Variants in EVI5L observed in about 807,000 individuals in gnomAD.
The protein encoded by EVI5L is EVI5-like protein.
A neutral mutation model predicts 106.1 loss-of-function variants in EVI5L; 30 were observed. The ratio of observed to expected loss-of-function variants is 0.28; its 90% CI spans 0.21 to 0.38. EVI5L has a LOEUF of 0.38. Among genes scored for constraint, EVI5L ranks in the 10% least tolerant of loss-of-function variants. EVI5L has a pLI of 1.00. For synonymous variants in EVI5L, 489 were observed against 483.3 expected, an observed-to-expected ratio of 1.01 and a Z score of -0.15; for missense variants, 809 against 1,098.0, an observed-to-expected ratio of 0.74 and a Z score of 3.72.
Position 7,835,871 on chromosome 19 carries a change from C to T in EVI5L, c.-48+5490C>T, listed in dbSNP as rs1359171255. On this transcript the variant is annotated intron_variant, in intron 1 of 19. Coordinates refer to ENST00000538904, the MANE Select transcript of EVI5L (RefSeq NM_001159944.3). This position sits in a 1 kb window ranked among gnomAD's most constrained non-coding sequence, Gnocchi z 4.1. ...TGTCAGGCTAGACAAATCGGGGTCACATGGCATCTTGGGCTTTAGATTCCG... is the reference window on the plus strand; with the variant it reads ...TGTCAGGCTAGACAAATCGGGGTCATATGGCATCTTGGGCTTTAGATTCCG... Among the ~76,000 whole-genome samples the T allele has an allele frequency of 6.6e-6, 1 of 152,220 alleles. No homozygotes were observed. Among genetic ancestry groups the T allele is most frequent in the Non-Finnish European group, 1.5e-5 (1 of 68,042 alleles).
rs953880408 is a variant in EVI5L, at chr19:7,856,312, G to A, written c.1200+244G>A. On this transcript the variant is annotated intron_variant, in intron 11 of 19. Coordinates refer to ENST00000538904, the MANE Select transcript of EVI5L (RefSeq NM_001159944.3). The surrounding 1 kb of genome is among the most constrained non-coding windows in gnomAD (Gnocchi z 6.6). The stretch of plus-strand genomic sequence containing the variant: ...TTACAACCCAGTGGCCTGCAGCCAC[G>A]GGAATCCATTTGTGTTCTGTGCCCT... Among the ~76,000 whole-genome samples the A allele has an allele frequency of 4.6e-5, 7 of 152,178 alleles. No homozygotes were observed. Among genetic ancestry groups the A allele is most frequent in the East Asian group, 1.9e-4 (1 of 5,158 alleles).
chr19:7,846,434 T>A, intron 1 of EVI5L, 62 bp from the exon 2 acceptor site: 1 of 1,406,390 alleles, frequency 7.1e-7, no homozygotes, highest in Non-Finnish European at 9.5e-7. Context: ...GTCCCGAGGG[T>A]GGGCAGGCAG....
intron 1 of EVI5L, among the ~76,000 whole-genome samples, chr19:7,839,101 G>C (rs1978478877): frequency 6.6e-6 from 1 of 151,938 alleles, no homozygotes; most frequent in Admixed American, 6.6e-5. Flanking sequence ...AGGAGATCAA[G>C]ACCATCCTGG....
Position 7,848,962 on chromosome 19 carries a change from C to G in EVI5L, c.369C>G (p.Ile123Met). The part of the protein sequence containing the change: ...RKGIPHHFRA[I>M]VWQLLCSATD... ...GCATCCCCCACCACTTCCGGGCCAT[C>G]GTGTGGCAGCTTCTGTGCAGCGCCA... The change falls in exon 4 of 20, where the codon ATC becomes ATG. Residue 123 changes from isoleucine (I) to methionine (M), a missense_variant. Around this residue, in one of 2 missense-constraint regions of EVI5L, gnomAD observed 357 missense variants for 588.1 expected, o/e 0.61. Transcript: ENST00000538904. The surrounding 1 kb of genome is among the most constrained non-coding windows in gnomAD (Gnocchi z 4.8). 1 of 1,613,114 alleles carries G rather than the reference C, an allele frequency of 6.2e-7. No homozygotes were observed. The highest frequency in any genetic ancestry group is 1.3e-5 in the African/African-American group (1 of 75,036).
chr19:7,846,477 G>C lies in EVI5L; in HGVS notation c.-47-19G>C. ...TGGGCTCCCACCCAATGCCGACCACGCATGTCTCTGGCCCCCAGACAGAGC... is the reference window on the plus strand; with the variant it reads ...TGGGCTCCCACCCAATGCCGACCACCCATGTCTCTGGCCCCCAGACAGAGC... On this transcript the variant is annotated intron_variant, in intron 1 of 19. Coordinates refer to ENST00000538904, the MANE Select transcript of EVI5L (RefSeq NM_001159944.3). 1 of 1,533,012 alleles carries C rather than the reference G, an allele frequency of 6.5e-7. No individual in the cohort carries two copies. The highest frequency in any genetic ancestry group is 8.8e-7 in the Non-Finnish European group (1 of 1,139,894). The allele number at this position is 1,533,012 out of a possible 1,614,324, so 95.0% of individuals were successfully genotyped here.
chr19:7,860,617 G>C lies in EVI5L; in HGVS notation c.1431G>C (p.Gln477His). The change falls in exon 14 of 20, where the codon CAG becomes CAC. Residue 477 changes from glutamine to histidine, a missense_variant. Gln to His is a conservative substitution (Grantham distance 24). Transcript: ENST00000538904. ...FVSHLETELE[Q>H]SRLRETETLG... is the part of the protein sequence containing the mutation. The stretch of plus-strand genomic sequence containing the variant: ...CCCACCTGGAGACCGAGCTGGAGCA[G>C]TCGAGGCTGCGGGAGACGGAGACAC... 1 of 1,601,242 alleles carries C rather than the reference G, an allele frequency of 6.2e-7. No individual in the cohort carries two copies. The highest frequency in any genetic ancestry group is 1.1e-5 in the South Asian group (1 of 89,054).
chr19:7,842,720 ATG>A (rs1033462715), intron 1 of EVI5L, among the ~76,000 whole-genome samples: 6 of 150,798 alleles, frequency 4.0e-5, no homozygotes, highest in South Asian at 2.1e-4. Context: ...GTGCACGAGT[ATG>A]TGTGTATTGT....
At position 7,856,972 on chromosome 19, in the gene EVI5L, C is replaced by A; in HGVS notation, c.1201-120C>A. On this transcript the variant is annotated intron_variant, in intron 11 of 19. Coordinates refer to ENST00000538904, the MANE Select transcript of EVI5L (RefSeq NM_001159944.3). This position sits in a 1 kb window ranked among gnomAD's most constrained non-coding sequence, Gnocchi z 6.6. ...CTGGTCTTCCCTCCTCTCTCCCCCG[C>A]TTCTAGAGATAGTCCACTGCGTTAG... is the stretch of plus-strand genomic sequence containing the variant. 1 of 1,038,744 alleles carries A rather than the reference C, an allele frequency of 9.6e-7. No homozygotes were observed. Among genetic ancestry groups the A allele is most frequent in the Non-Finnish European group, 1.5e-6 (1 of 683,338 alleles). The allele number at this position is 1,038,744 out of a possible 1,614,324, so 64.3% of individuals were successfully genotyped here. A position where few individuals can be genotyped will look rare whatever the true frequency, so the allele number is the denominator to read the frequency against.
rs1237418628 is a variant in EVI5L at position 7,863,089 on chromosome 19, G to GGGGGGC, written c.2043+35_2043+40dup. 6.5e-5 allele frequency: 61 copies of GGGGGGC among 933,640 alleles called. No homozygotes were observed. The highest frequency in any genetic ancestry group is 1.0e-4 in the Admixed American group (5 of 48,394). 57.8% of individuals were successfully genotyped at this position (933,640 alleles called of 1,614,324 possible). The stretch of plus-strand genomic sequence containing the variant: ...CCAGGTGATCGGCGGGGCCGGGGTC[G>GGGGGGC]GGGGGCGGGGGCGGGGGCAGGGCCC... On this transcript the variant is annotated intron_variant, in intron 18 of 19. Coordinates refer to ENST00000538904, the MANE Select transcript of EVI5L (RefSeq NM_001159944.3). The surrounding 1 kb of genome is among the most constrained non-coding windows in gnomAD (Gnocchi z 7.7).
intron 1 of EVI5L, among the ~76,000 whole-genome samples, chr19:7,844,706 C>T (rs1313453704): frequency 1.3e-5 from 2 of 152,190 alleles, no homozygotes; most frequent in Admixed American, 6.5e-5. Flanking sequence ...GGGCAGGTGG[C>T]CCTGGCCCAC....
At chr19:7,842,651 G>A (rs898683410) in intron 1 of EVI5L, among the ~76,000 whole-genome samples, 1 of 151,820 alleles carries the variant, frequency 6.6e-6, no homozygotes, top group Non-Finnish European at 1.5e-5. Context: ...GAATGTGGGT[G>A]TTTATGTATC....
chr19:7,857,923 A>C lies in EVI5L; in HGVS notation c.1234-268A>C. 4.3e-6 allele frequency: 2 copies of C among 462,064 alleles called. No individual in the cohort carries two copies. The highest frequency in any genetic ancestry group is 7.9e-5 in the East Asian group (2 of 25,428). 28.6% of individuals were successfully genotyped at this position (462,064 alleles called of 1,614,324 possible). A position where few individuals can be genotyped will look rare whatever the true frequency, so the allele number is the denominator to read the frequency against. Reference sequence around the variant, plus strand: ...GATCCCAACTGGGGCAGAGACTGAGAGCCAGAGTGGGGAAGGAGATGGAGC... The same window carrying C: ...GATCCCAACTGGGGCAGAGACTGAGCGCCAGAGTGGGGAAGGAGATGGAGC... On this transcript the variant is annotated intron_variant, in intron 12 of 19. Transcript: ENST00000538904. This position sits in a 1 kb window ranked among gnomAD's most constrained non-coding sequence, Gnocchi z 4.5.
chr19:7,855,902 C>G lies in EVI5L; in HGVS notation c.1147-113C>G, dbSNP rs1979495071. 3.2e-6 allele frequency: 3 copies of G among 945,456 alleles called. No individual in the cohort carries two copies. The East Asian group carries it at 9.6e-5, about 30-fold the overall frequency. 58.6% of individuals were successfully genotyped at this position (945,456 alleles called of 1,614,324 possible). A position where few individuals can be genotyped will look rare whatever the true frequency, so the allele number is the denominator to read the frequency against. ...ACGTAAGATGCTGGCTGTGCCCTGC[C>G]CGGAAAAGTGGCCTGGCCCTAAGGG... is the stretch of plus-strand genomic sequence containing the variant. On this transcript the variant is annotated intron_variant, in intron 10 of 19. Transcript: ENST00000538904.
chr19:7,852,267 C>T (rs985983319), intron 8 of EVI5L, among the ~76,000 whole-genome samples: 1 of 152,252 alleles, frequency 6.6e-6, no homozygotes, highest in Non-Finnish European at 1.5e-5. Context: ...CGGGCCCCTG[C>T]CCCCTCCCCG....
intron 8 of EVI5L, chr19:7,852,861 C>T (rs1017876569): frequency 5.5e-6 from 3 of 549,426 alleles, no homozygotes; most frequent in African/African-American, 3.8e-5. Flanking sequence ...CATCTGCCAG[C>T]TTTTCTTCTG....
intron 17 of EVI5L, 101 bp from the exon 18 acceptor site, chr19:7,862,871 C>T: frequency 1.2e-6 from 1 of 808,460 alleles, no homozygotes; most frequent in Non-Finnish European, 1.9e-6. Context: ...CCGCCTCCGC[C>T]CGCGGCCCCG....
At chr19:7,860,463 G>A (rs921454829) in intron 13 of EVI5L, 98 bp from the exon 14 acceptor site, 30 of 1,106,738 alleles carry the variant, frequency 2.7e-5, no homozygotes, top group Non-Finnish European at 3.6e-5. Flanking sequence ...TCTCCCTGCT[G>A]AAGGGCTCTG....
At chr19:7,831,960 G>A (rs1436237173) in intron 1 of EVI5L, among the ~76,000 whole-genome samples, 1 of 152,270 alleles carries the variant, frequency 6.6e-6, no homozygotes, top group Non-Finnish European at 1.5e-5. Flanking sequence ...TCTTTGTTAA[G>A]GAATATTTTC....
Position 7,860,662 on chromosome 19 carries a change from G to T in EVI5L, c.1476G>T (p.Met492Ile). The T allele has an allele frequency of 6.3e-7, 1 of 1,591,746 alleles. No individual in the cohort carries two copies. Among genetic ancestry groups the T allele is most frequent in the Non-Finnish European group, 8.6e-7 (1 of 1,169,330 alleles). The change falls in exon 14 of 20, where the codon ATG becomes ATT. Residue 492 changes from methionine (M) to isoleucine (I), a missense_variant. Physicochemically the swap from Met to Ile is conservative, Grantham distance 10 (BLOSUM62 1). Transcript: ENST00000538904. Reference sequence around the variant, plus strand: ...AGACACTGGGGGCCCTTCGGGAGATGCAGGACAAGGTTCTCGACATGGAAA... The same window carrying T: ...AGACACTGGGGGCCCTTCGGGAGATTCAGGACAAGGTTCTCGACATGGAAA... ...ETETLGALRE[M>I]QDKVLDMEKR...
Sources: gnomAD v4.1 joint callset for allele counts (sites outside exome capture counted in the v4.1 genomes callset) on GRCh38, gnomAD v4.1.1 for gene constraint, gnomAD v4.1.1 regional missense constraint, Gnocchi (gnomAD v3.1) non-coding constraint, MANE v1.5 for transcripts, NCBI Gene and HGNC (gene_info 2026-07-23, HGNC 2026-07-21) for gene names.